The following SLIT1 variants were observed in gnomAD, a reference collection of about 807,000 sequenced individuals.
The protein encoded by SLIT1 is slit homolog 1 protein.
Under a neutral mutation model 186.1 loss-of-function variants are expected in SLIT1, and 66 were observed. That is an observed-to-expected ratio of 0.35 (90% CI 0.29 to 0.44). The LOEUF (loss-of-function observed/expected upper bound fraction) is 0.44. SLIT1 is among the 20% of genes least tolerant of loss of function. SLIT1 has a pLI of 1.00. For missense variants in SLIT1, 1,638 were observed against 2,037.4 expected (o/e 0.80, Z 3.77); for synonymous variants, 761 against 833.8 (o/e 0.91, Z 1.50).
chr10:97,048,062 C>A, intron 14 of SLIT1, 66 bp from the exon 15 acceptor site: 1 of 1,565,936 alleles, frequency 6.4e-7, no homozygotes, highest in South Asian at 1.1e-5. Flanking sequence ...CAGCCCAGGC[C>A]CCAGCCCCAC....
intron 8 of SLIT1, among the ~76,000 whole-genome samples, chr10:97,061,394 T>C (rs192227749): frequency 2.1e-4 from 32 of 152,384 alleles, no homozygotes; most frequent in African/African-American, 7.7e-4. Context: ...GTGTTCTTTC[T>C]GAAGCATGTA....
intron 26 of SLIT1, among the ~76,000 whole-genome samples, chr10:97,020,686 C>T (rs1209653384): frequency 6.6e-6 from 1 of 152,268 alleles, no homozygotes; most frequent in African/African-American, 2.4e-5. Context: ...CACATAAAGC[C>T]CGGCCCCGGC....
At chr10:97,003,607 G>A (rs1848331869) in intron 34 of SLIT1, among the ~76,000 whole-genome samples, 1 of 152,156 alleles carries the variant, frequency 6.6e-6, no homozygotes, top group Non-Finnish European at 1.5e-5. Flanking sequence ...ACCGAGAAAT[G>A]CTTGCAGGTG....
intron 4 of SLIT1, among the ~76,000 whole-genome samples, chr10:97,147,637 G>T (rs530144400): frequency 1.3e-5 from 2 of 151,840 alleles, no homozygotes; most frequent in Non-Finnish European, 2.9e-5. Context: ...GCTGGGAGGG[G>T]GGGGAAGGAG....
chr10:97,050,489 C>T lies in SLIT1; in HGVS notation c.1302-1371G>A, dbSNP rs72819897. Among the ~76,000 whole-genome samples the T allele has an allele frequency of 9.0e-3, 1,377 of 152,360 alleles. 18 individuals are homozygous for T. The highest frequency in any genetic ancestry group is 9.2e-3 in the Non-Finnish European group (624 of 68,042). ...ATTTCCCACCTGAGTTCTTGCTCCT[C>T]TCAGCTCCACCAGGTGGACCAGGTC... is the stretch of plus-strand genomic sequence containing the variant. On this transcript the variant is annotated intron_variant, in intron 13 of 36. Transcript: ENST00000266058.
At chr10:97,081,808 G>C (rs1564670248) in intron 4 of SLIT1, among the ~76,000 whole-genome samples, 1 of 152,210 alleles carries the variant, frequency 6.6e-6, no homozygotes, top group Non-Finnish European at 1.5e-5. Flanking sequence ...GAACCACAAG[G>C]AGTCGCTGTC....
At chr10:97,133,217 C>T (rs1348408600) in intron 4 of SLIT1, among the ~76,000 whole-genome samples, 1 of 152,144 alleles carries the variant, frequency 6.6e-6, no homozygotes, top group Admixed American at 6.5e-5. Flanking sequence ...CAGGGATGAG[C>T]CTTGAGGACA....
intron 13 of SLIT1, among the ~76,000 whole-genome samples, chr10:97,052,306 C>A (rs1252031331): frequency 6.6e-6 from 1 of 151,982 alleles, no homozygotes; most frequent in Non-Finnish European, 1.5e-5. Flanking sequence ...CACTATGTTG[C>A]CCAGGCTAGT....
intron 25 of SLIT1, among the ~76,000 whole-genome samples, chr10:97,024,912 A>C (rs1033783203): frequency 3.3e-5 from 5 of 152,198 alleles, no homozygotes; most frequent in African/African-American, 1.2e-4. Flanking sequence ...CGGTCCCTCC[A>C]TAAATGTCAG....
intron 4 of SLIT1, among the ~76,000 whole-genome samples, chr10:97,071,176 G>T (rs181798550): frequency 2.0e-5 from 3 of 152,214 alleles, no homozygotes; most frequent in Admixed American, 2.0e-4. Flanking sequence ...GAGGAAAGTT[G>T]CTGGCCATAC....
At position 97,060,616 on chromosome 10, in the gene SLIT1, G is replaced by C. The variant is rs771612613; in HGVS notation, c.941+24C>G. ...AGGCCTGCCAAAGGGCTGTGCCCCA[G>C]CATCTGCCCTGCCCCGTACTCACAT... is the stretch of plus-strand genomic sequence containing the variant. On this transcript the variant is annotated intron_variant, in intron 9 of 36. Transcript: ENST00000266058. 37 of 1,611,698 alleles carry C rather than the reference G, an allele frequency of 2.3e-5. No homozygotes were observed. In the Admixed American group the frequency reaches 6.0e-4, roughly 26 times the overall value.
chr10:97,052,112 T>G (rs1283088952), intron 13 of SLIT1, among the ~76,000 whole-genome samples: 2 of 150,946 alleles, frequency 1.3e-5, no homozygotes, highest in Admixed American at 6.6e-5. Flanking sequence ...TTGTTTTTTT[T>G]TTTTTTGGAG....
chr10:97,096,912 A>T (rs1344041074), intron 4 of SLIT1, among the ~76,000 whole-genome samples: 1 of 152,200 alleles, frequency 6.6e-6, no homozygotes, highest in African/African-American at 2.4e-5. Flanking sequence ...GGGTGGCTTT[A>T]TCCTCATTTG....
chr10:97,156,893 G>A (rs1175031055), intron 4 of SLIT1, among the ~76,000 whole-genome samples: 2 of 152,150 alleles, frequency 1.3e-5, no homozygotes, highest in Admixed American at 1.3e-4. Context: ...GCATGCAGAA[G>A]GCCCTGCCGG....
intron 4 of SLIT1, among the ~76,000 whole-genome samples, chr10:97,146,564 C>A (rs938364727): frequency 6.6e-6 from 1 of 151,986 alleles, no homozygotes; most frequent in Non-Finnish European, 1.5e-5. Context: ...CCCCAGCCCC[C>A]CCCACTGAAC....
At chr10:97,091,972 C>G (rs533406289) in intron 4 of SLIT1, among the ~76,000 whole-genome samples, 1 of 152,254 alleles carries the variant, frequency 6.6e-6, no homozygotes, top group Non-Finnish European at 1.5e-5. Flanking sequence ...AAAGGGCAAC[C>G]TTGGCAGAAA....
At chr10:97,170,263 A>G (rs1564693872) in intron 1 of SLIT1, among the ~76,000 whole-genome samples, 1 of 152,256 alleles carries the variant, frequency 6.6e-6, no homozygotes, top group East Asian at 1.9e-4. Context: ...TCTGTGCCTC[A>G]GTTTCTCCAT....
chr10:97,018,704 G>A (rs377498877), intron 27 of SLIT1, 21 bp from the exon 28 acceptor site: 101 of 1,497,410 alleles, frequency 6.7e-5, no homozygotes, highest in Non-Finnish European at 8.8e-5. Context: ...AGTCAGTGAT[G>A]GGGACCCCAG....
chr10:97,086,932 G>A (rs1447136266), intron 4 of SLIT1, among the ~76,000 whole-genome samples: 1 of 152,158 alleles, frequency 6.6e-6, no homozygotes, highest in Non-Finnish European at 1.5e-5. Context: ...TGTCAACATA[G>A]ATGTATTGAT....
Sources: gnomAD v4.1 joint callset for allele counts (sites outside exome capture counted in the v4.1 genomes callset) on GRCh38, gnomAD v4.1.1 for gene constraint, MANE v1.5 for transcripts, NCBI Gene and HGNC (gene_info 2026-07-23, HGNC 2026-07-21) for gene names.